PABPC4L: variants seen among roughly 807,000 people sequenced by gnomAD.
PABPC4L encodes poly(A) binding protein cytoplasmic 4 like, also known as polyadenylate-binding protein 4-like.
For missense variants in PABPC4L, 452 were observed against 451.4 expected (o/e 1.00, Z -0.01); for synonymous variants, 169 against 164.1 (o/e 1.03, Z -0.23).
chr4:133,977,996 T>C, the PABPC4L span: 3 of 152,218 alleles, frequency 2.0e-5, no homozygotes, highest in African/African-American at 7.2e-5. Flanking sequence ...TTAACTCTTT[T>C]GGCATGTGTA....
the PABPC4L span, among the ~76,000 whole-genome samples, chr4:134,116,911 CA>C: frequency 6.6e-6 from 1 of 151,552 alleles, no homozygotes. Flanking sequence ...TATGCATCTA[CA>C]ATAAGATCTT....
At chr4:134,132,416 A>C in the PABPC4L span, among the ~76,000 whole-genome samples, 1 of 152,044 alleles carries the variant, frequency 6.6e-6, no homozygotes, top group Non-Finnish European at 1.5e-5. Flanking sequence ...ATGAATAGAA[A>C]ATTTTCAAAA....
At chr4:134,132,722 G>A in the PABPC4L span, among the ~76,000 whole-genome samples, 1 of 151,290 alleles carries the variant, frequency 6.6e-6, no homozygotes, top group Non-Finnish European at 1.5e-5. Context: ...TTTACCCAGA[G>A]GAACATAAGT....
the PABPC4L span, among the ~76,000 whole-genome samples, chr4:133,970,070 TAA>T: frequency 2.4e-5 from 3 of 123,360 alleles, no homozygotes; most frequent in African/African-American, 7.8e-5. Context: ...TTAAAATATT[TAA>T]AAAATATATA....
At chr4:134,061,803 A>G in the PABPC4L span, among the ~76,000 whole-genome samples, 1 of 151,884 alleles carries the variant, frequency 6.6e-6, no homozygotes, top group Non-Finnish European at 1.5e-5. Flanking sequence ...ATTGTTAATT[A>G]CAGAAGTTTT....
At chr4:134,004,775 G>T in the PABPC4L span, among the ~76,000 whole-genome samples, 1 of 151,806 alleles carries the variant, frequency 6.6e-6, no homozygotes, top group Non-Finnish European at 1.5e-5. Context: ...GAATACTACT[G>T]AGATTTTAAA....
At chr4:134,088,600 GC>G in the PABPC4L span, among the ~76,000 whole-genome samples, 1 of 152,074 alleles carries the variant, frequency 6.6e-6, no homozygotes, top group South Asian at 2.1e-4. Context: ...TGGGATTAGG[GC>G]CTTTATAAAA....
the PABPC4L span, among the ~76,000 whole-genome samples, chr4:134,045,056 A>G: frequency 6.6e-6 from 1 of 152,068 alleles, no homozygotes; most frequent in Non-Finnish European, 1.5e-5. Context: ...GTTTTATTTT[A>G]TTCTTTGATC....
the PABPC4L span, among the ~76,000 whole-genome samples, chr4:134,027,556 C>T: frequency 1.3e-5 from 2 of 152,120 alleles, no homozygotes; most frequent in African/African-American, 4.8e-5. Context: ...GCAGAAATCT[C>T]TTCGACAAAC....
chr4:134,049,910 A>G, the PABPC4L span, among the ~76,000 whole-genome samples: 4 of 152,274 alleles, frequency 2.6e-5, no homozygotes, highest in East Asian at 3.9e-4. Flanking sequence ...ATCTCATCGC[A>G]TGACTGCAGA....
the PABPC4L span, among the ~76,000 whole-genome samples, chr4:134,140,571 G>T: frequency 1.3e-5 from 2 of 151,792 alleles, no homozygotes; most frequent in Admixed American, 6.6e-5. Context: ...TTACTGTAAT[G>T]TATAATAAGG....
At chr4:134,168,410 G>C in the PABPC4L span, among the ~76,000 whole-genome samples, 1 of 151,368 alleles carries the variant, frequency 6.6e-6, no homozygotes, top group African/African-American at 2.4e-5. Flanking sequence ...AAGAGAAATA[G>C]TAACAATGAG....
the PABPC4L span, among the ~76,000 whole-genome samples, chr4:134,011,086 A>G: frequency 6.6e-6 from 1 of 152,128 alleles, no homozygotes; most frequent in African/African-American, 2.4e-5. Flanking sequence ...TTAAACTTTA[A>G]ATTTTAATGA....
At chr4:134,153,811 T>TTG in the PABPC4L span, among the ~76,000 whole-genome samples, 3 of 32,570 alleles carry the variant, frequency 9.2e-5, no homozygotes, top group African/African-American at 5.7e-4. Flanking sequence ...CTATGCCTAG[T>TTG]TTTTTTTTTT....
At chr4:133,954,816 G>T in the PABPC4L span, among the ~76,000 whole-genome samples, 3 of 152,054 alleles carry the variant, frequency 2.0e-5, no homozygotes, top group Non-Finnish European at 4.4e-5. Flanking sequence ...TTTAACTCTG[G>T]GGATAGTAAT....
the PABPC4L span, among the ~76,000 whole-genome samples, chr4:134,116,510 G>C: frequency 1.3e-5 from 2 of 151,764 alleles, no homozygotes; most frequent in Non-Finnish European, 2.9e-5. Context: ...ATCCTTTCTA[G>C]TGTAGGAGAA....
chr4:134,090,202 G>A, the PABPC4L span, among the ~76,000 whole-genome samples: 1 of 151,988 alleles, frequency 6.6e-6, no homozygotes, highest in African/African-American at 2.4e-5. Flanking sequence ...ATAAAATCCA[G>A]TTATTTGAGA....
the PABPC4L span, among the ~76,000 whole-genome samples, chr4:134,029,580 G>A: frequency 6.6e-6 from 1 of 151,780 alleles, no homozygotes; most frequent in African/African-American, 2.4e-5. Flanking sequence ...ATACAGAATA[G>A]GGTAAACTTT....
At chr4:134,176,844 C>A in the PABPC4L span, among the ~76,000 whole-genome samples, 1 of 152,090 alleles carries the variant, frequency 6.6e-6, no homozygotes, top group African/African-American at 2.4e-5. Context: ...ATCCCCCTGG[C>A]GCCCCCATAC....
Sources: gnomAD v4.1 joint callset for allele counts (sites outside exome capture counted in the v4.1 genomes callset) on GRCh38, gnomAD v4.1.1 for gene constraint, MANE v1.5 for transcripts, NCBI Gene and HGNC (gene_info 2026-07-23, HGNC 2026-07-21) for gene names.